GABRG1: variants seen among roughly 807,000 people sequenced by gnomAD.
GABRG1 encodes gamma-aminobutyric acid type A receptor subunit gamma1, also known as gamma-aminobutyric acid receptor subunit gamma-1.
In GABRG1, 49 loss-of-function variants were observed where a neutral mutation model predicts 49.8. That is an observed-to-expected ratio of 0.98 (90% CI 0.78 to 1.25). The LOEUF (loss-of-function observed/expected upper bound fraction) is 1.25, where lower values mean the gene tolerates loss of function less well. GABRG1 is among the 50% of genes most tolerant of loss of function. The probability of loss-of-function intolerance (pLI) is 0.00; values close to 1 mark genes in which losing one functional copy is unlikely to be tolerated. For synonymous variants in GABRG1, 232 were observed against 185.1 expected (o/e 1.25, Z -2.06); for missense variants, 552 against 552.3 (o/e 1.00, Z 0.01).
chr4:46,042,383 C>T (rs879479840), intron 8 of GABRG1, among the ~76,000 whole-genome samples: 1 of 151,886 alleles, frequency 6.6e-6, no homozygotes, highest in Non-Finnish European at 1.5e-5. Context: ...ATGAGTATTT[C>T]AACTTTAGCA....
Position 46,040,950 on chromosome 4 carries a change from A to G in GABRG1, c.*38T>C. The G allele has an allele frequency of 1.3e-6, 2 of 1,571,004 alleles. No individual in the cohort carries two copies. The highest frequency in any genetic ancestry group is 1.7e-6 in the Non-Finnish European group (2 of 1,156,302). Reference sequence around the variant, plus strand: ...AAGCACAAAAGATTCTACTGAATTTAGTCAGACTTCTTTTGATTTTTGCTT... The same window carrying G: ...AAGCACAAAAGATTCTACTGAATTTGGTCAGACTTCTTTTGATTTTTGCTT... On this transcript the variant is annotated 3_prime_UTR_variant, in exon 9 of 9. Transcript: ENST00000295452.
chr4:46,049,582 C>A (rs1013032162), intron 8 of GABRG1, among the ~76,000 whole-genome samples: 2 of 151,872 alleles, frequency 1.3e-5, no homozygotes, highest in South Asian at 2.1e-4. Context: ...CGTTCTTTAC[C>A]TTTCCATAAT....
chr4:46,065,533 T>C lies in GABRG1; in HGVS notation c.373A>G (p.Lys125Glu). The C allele has an allele frequency of 6.2e-7, 1 of 1,608,464 alleles. No individual in the cohort carries two copies. Among genetic ancestry groups the C allele is most frequent in the East Asian group, 2.2e-5 (1 of 44,746 alleles). ...AGCACTTTCATGGTACTATTGAATTTTAAACGACTGTCAAACCAGGTTTGG... is the reference window on the plus strand; with the variant it reads ...AGCACTTTCATGGTACTATTGAATTCTAAACGACTGTCAAACCAGGTTTGG... ...FAQTWFDSRLKFNSTMKVLML... is the reference protein window; with the variant it reads ...FAQTWFDSRLEFNSTMKVLML... Residue 125 changes from lysine to glutamate, a missense_variant, in exon 4 of 9, where the codon AAA becomes GAA. Physicochemically the swap from Lys to Glu is moderately conservative, Grantham distance 56. Transcript: ENST00000295452.
chr4:46,108,718 C>T (rs1720634769), intron 1 of GABRG1, among the ~76,000 whole-genome samples: 1 of 150,790 alleles, frequency 6.6e-6, no homozygotes. Context: ...TGAATGAAAA[C>T]ATGAATGTGG....
chr4:46,102,702 T>C (rs1720421351), intron 1 of GABRG1, among the ~76,000 whole-genome samples: 1 of 151,686 alleles, frequency 6.6e-6, no homozygotes, highest in African/African-American at 2.4e-5. Flanking sequence ...TAAACTCAGC[T>C]ATTTTAATGT....
At chr4:46,050,192 T>C (rs1481401250) in intron 8 of GABRG1, among the ~76,000 whole-genome samples, 1 of 151,944 alleles carries the variant, frequency 6.6e-6, no homozygotes, top group Non-Finnish European at 1.5e-5. Context: ...ATCCTATAGA[T>C]AAGCAAAAAT....
intron 3 of GABRG1, among the ~76,000 whole-genome samples, chr4:46,072,291 T>C (rs1378621202): frequency 6.6e-6 from 1 of 152,080 alleles, no homozygotes; most frequent in African/African-American, 2.4e-5. Flanking sequence ...AATGGTGAAA[T>C]TGACTAAAGA....
chr4:46,113,509 G>C (rs1375688117), intron 1 of GABRG1, among the ~76,000 whole-genome samples: 2 of 150,700 alleles, frequency 1.3e-5, no homozygotes, highest in Non-Finnish European at 3.0e-5. Flanking sequence ...AGATTTGGCG[G>C]GGGGGACATG....
At position 46,065,423 on chromosome 4, in the gene GABRG1, T is replaced by G. The variant is rs1355704361; in HGVS notation, c.483A>C (p.Ile161=). 1 of 1,613,784 alleles carries G rather than the reference T, an allele frequency of 6.2e-7. No homozygotes were observed. ...RNSRKSDAHW[I]TTPNRLLRIW... ...TTCGAAGCAGACGATTAGGAGTTGT[T>G]ATCCAGTGAGCATCAGATTTTCTTG... Residue 161 remains isoleucine, a synonymous_variant, in exon 4 of 9, where the codon ATA becomes ATC. Coordinates refer to ENST00000295452, the MANE Select transcript of GABRG1 (RefSeq NM_173536.4).
intron 7 of GABRG1, 150 bp from the exon 8 acceptor site, chr4:46,051,788 G>A (rs1718234880): frequency 1.8e-6 from 1 of 560,208 alleles, no homozygotes; most frequent in South Asian, 2.4e-5. Context: ...GGTAGCCATA[G>A]CAACATTGTG....
chr4:46,047,453 C>T (rs1718049728), intron 8 of GABRG1, among the ~76,000 whole-genome samples: 1 of 152,056 alleles, frequency 6.6e-6, no homozygotes, highest in Non-Finnish European at 1.5e-5. Context: ...GAATTATTTA[C>T]ACATGAAATG....
chr4:46,099,318 C>G (rs905411121), intron 1 of GABRG1, among the ~76,000 whole-genome samples: 2 of 151,660 alleles, frequency 1.3e-5, no homozygotes, highest in Non-Finnish European at 2.9e-5. Context: ...TTTATTACAT[C>G]TCTCTTGTCC....
intron 1 of GABRG1, among the ~76,000 whole-genome samples, chr4:46,111,589 A>G (rs965781238): frequency 1.3e-5 from 2 of 151,474 alleles, no homozygotes; most frequent in East Asian, 1.9e-4. Context: ...CTTATTTTAA[A>G]CTATATGAAA....
intron 1 of GABRG1, among the ~76,000 whole-genome samples, chr4:46,107,219 C>T (rs1394706821): frequency 1.3e-5 from 2 of 151,084 alleles, no homozygotes; most frequent in African/African-American, 2.4e-5. Flanking sequence ...TTTCTCTCCT[C>T]TTGAATATTA....
chr4:46,091,579 A>G (rs1160132753), intron 2 of GABRG1, among the ~76,000 whole-genome samples: 2 of 152,108 alleles, frequency 1.3e-5, no homozygotes, highest in Non-Finnish European at 2.9e-5. Flanking sequence ...AAATTGATTT[A>G]AAAATCAGGT....
At chr4:46,077,577 G>A (rs1719402581) in intron 3 of GABRG1, among the ~76,000 whole-genome samples, 5 of 151,688 alleles carry the variant, frequency 3.3e-5, no homozygotes, top group Admixed American at 2.6e-4. Context: ...AATAGCATTA[G>A]GATCACCATT....
At chr4:46,123,067 T>TC (rs1721136776) in intron 1 of GABRG1, among the ~76,000 whole-genome samples, 1 of 143,964 alleles carries the variant, frequency 6.9e-6, no homozygotes, top group African/African-American at 2.6e-5. Flanking sequence ...GGTGACACTT[T>TC]TCTCTCTCTC....
chr4:46,118,523 G>A (rs747185397), intron 1 of GABRG1, among the ~76,000 whole-genome samples: 13 of 150,926 alleles, frequency 8.6e-5, no homozygotes, highest in Non-Finnish European at 1.6e-4. Context: ...CAGGAATTCT[G>A]ATTTCTGTAT....
intron 3 of GABRG1, among the ~76,000 whole-genome samples, chr4:46,072,026 C>T (rs549054707): frequency 4.5e-4 from 69 of 152,188 alleles, no homozygotes; most frequent in African/African-American, 1.6e-3. Context: ...TCCCTGTCTG[C>T]AAGCCTTCAG....
Sources: allele counts gnomAD v4.1 joint callset (sites outside exome capture counted in the v4.1 genomes callset), GRCh38; gene constraint gnomAD v4.1.1; transcripts MANE v1.5; gene names NCBI Gene and HGNC (gene_info 2026-07-23, HGNC 2026-07-21).